The following HLTF variants were observed in gnomAD, a reference collection of about 807,000 sequenced individuals.
The protein encoded by HLTF is helicase like transcription factor, also known as DNA-dependent ATPase/E3 ubiquitin-protein ligase HLTF.
A neutral mutation model predicts 129.4 loss-of-function variants in HLTF; 127 were observed. The observed-to-expected ratio is 0.98, with a 90% confidence interval of 0.85 to 1.14. The LOEUF is 1.14. Among genes scored for constraint, HLTF ranks in the 50% most tolerant of loss-of-function variants. The pLI, the probability that HLTF is intolerant of heterozygous loss-of-function variation, is 0.00. For missense variants in HLTF, 1,139 were observed against 1,187.1 expected, an observed-to-expected ratio of 0.96 and a Z score of 0.60; for synonymous variants, 332 against 388.8, an observed-to-expected ratio of 0.85 and a Z score of 1.72.
chr3:149,075,370 A>C (rs1447343173), intron 3 of HLTF, among the ~76,000 whole-genome samples: 2 of 152,186 alleles, frequency 1.3e-5, no homozygotes, highest in Non-Finnish European at 2.9e-5. Flanking sequence ...CAACATGGCA[A>C]ATCTCTGTCT....
chr3:149,042,247 G>A lies in HLTF; in HGVS notation c.2116C>T (p.Leu706=). 6.2e-7 allele frequency: 1 copy of A among 1,612,800 alleles called. No individual in the cohort carries two copies. Among genetic ancestry groups the A allele is most frequent in the Non-Finnish European group, 8.5e-7 (1 of 1,178,940 alleles). ...GTVLAHYADV[L]GLLLRLRQIC... ...TGCCGCAGTCTAAGCAAAAGACCCA[G>A]GACATCTGCATAATGTGCCAGGACA... is the stretch of plus-strand genomic sequence containing the variant. Residue 706 remains leucine (L), a synonymous_variant, in exon 19 of 25, where the codon CTG becomes TTG. Transcript: ENST00000310053.
Position 149,071,298 on chromosome 3 carries a change from C to A in HLTF, c.848G>T (p.Arg283Leu), listed in dbSNP as rs183401411. 11 of 1,605,570 alleles carry A rather than the reference C, an allele frequency of 6.9e-6. No individual in the cohort carries two copies. In the East Asian group the frequency reaches 2.5e-4, roughly 36 times the overall value. The change falls in exon 7 of 25, where the codon CGA becomes CTA. Residue 283 changes from arginine (R) to leucine (L), a missense_variant. Physicochemically the swap from Arg to Leu is moderately radical, Grantham distance 102. Transcript: ENST00000310053. ...NTITNFSEKD[R>L]PENVHGGILA... Reference sequence around the variant, plus strand: ...AATTCCTCCATGGACATTTTCTGGTCGGTCCTTCTCAGAAAAATTTGTTAT... The same window carrying A: ...AATTCCTCCATGGACATTTTCTGGTAGGTCCTTCTCAGAAAAATTTGTTAT...
At chr3:149,036,880 G>A (rs1339239642) in intron 23 of HLTF, among the ~76,000 whole-genome samples, 1 of 152,276 alleles carries the variant, frequency 6.6e-6, no homozygotes, top group East Asian at 1.9e-4. Context: ...TATGTTCAAT[G>A]AAGAACACTC....
intron 18 of HLTF, 71 bp from the exon 19 acceptor site, chr3:149,042,361 G>T: frequency 2.0e-5 from 25 of 1,261,178 alleles, no homozygotes; most frequent in Middle Eastern, 2.1e-4. Context: ...AAACAGCAGA[G>T]TAAAATGGCA....
At chr3:149,048,235 A>G (rs1716715007) in intron 16 of HLTF, 72 bp from the exon 17 acceptor site, 5 of 1,242,708 alleles carry the variant, frequency 4.0e-6, no homozygotes, top group Non-Finnish European at 5.6e-6. Flanking sequence ...TGGCCCAATC[A>G]GAGAAGACAA....
intron 18 of HLTF, among the ~76,000 whole-genome samples, chr3:149,044,384 T>C (rs543455579): frequency 1.3e-5 from 2 of 152,316 alleles, no homozygotes; most frequent in South Asian, 4.1e-4. Context: ...GGCATGGTCA[T>C]ATCTTACTGA....
At position 149,059,785 on chromosome 3, in the gene HLTF, TTC is replaced by T; in HGVS notation, c.1306_1307del (p.Glu436ArgfsTer34). ...RAKAGSSKVI[E>X]DVAFACALTS... ...TTAATGCACATGCAAATGCCACATC[TTC>T]TATAACCTTAGAAGATCCTGCTGAT... On this transcript the variant is annotated frameshift_variant, in exon 13 of 25. Transcript: ENST00000310053. LOFTEE classifies it high-confidence loss of function. 1.3e-6 allele frequency: 2 copies of T among 1,595,642 alleles called. No homozygotes were observed. Among genetic ancestry groups the T allele is most frequent in the Non-Finnish European group, 1.7e-6 (2 of 1,173,338 alleles).
chr3:149,034,057 A>G (rs1715360963), intron 24 of HLTF, among the ~76,000 whole-genome samples: 1 of 152,192 alleles, frequency 6.6e-6, no homozygotes, highest in Non-Finnish European at 1.5e-5. Flanking sequence ...GAAGATATAA[A>G]TAATTCACAG....
Position 149,084,880 on chromosome 3 carries a change from A to T in HLTF, c.30T>A (p.Val10=), listed in dbSNP as rs762559351. MSWMFKRDP[V]WKYLQTVQYG... ...ACTGGACAGTCTGCAAGTACTTCCA[A>T]ACTGGATCCCTATTTTTTTTTAAAG... The change falls in exon 2 of 25, where the codon GTT becomes GTA. Residue 10 remains valine, a synonymous_variant. Transcript: ENST00000310053. 1.9e-6 allele frequency: 3 copies of T among 1,611,868 alleles called. No homozygotes were observed. The highest frequency in any genetic ancestry group is 1.1e-5 in the South Asian group (1 of 90,500).
chr3:149,042,269 G>T lies in HLTF; in HGVS notation c.2094C>A (p.Val698=). The change falls in exon 19 of 25, where the codon GTC becomes GTA. Residue 698 remains valine, a synonymous_variant. Coordinates refer to ENST00000310053, the MANE Select transcript of HLTF (RefSeq NM_003071.4). ...CCAGGACATCTGCATAATGTGCCAG[G>T]ACAGTCCCTTCATTAAAATACCTAG... The part of the protein sequence containing the change: ...TIGRYFNEGT[V]LAHYADVLGL... The T allele has an allele frequency of 1.9e-6, 3 of 1,611,606 alleles. No individual in the cohort carries two copies. The highest frequency in any genetic ancestry group is 2.5e-6 in the Non-Finnish European group (3 of 1,178,408).
At chr3:149,079,872 T>A (rs1277665169) in intron 2 of HLTF, among the ~76,000 whole-genome samples, 2 of 152,150 alleles carry the variant, frequency 1.3e-5, no homozygotes, top group Non-Finnish European at 2.9e-5. Flanking sequence ...ATTACAGGCG[T>A]GAGCCACCAT....
intron 7 of HLTF, among the ~76,000 whole-genome samples, chr3:149,068,939 T>A (rs141100561): frequency 6.6e-6 from 1 of 152,302 alleles, no homozygotes; most frequent in East Asian, 1.9e-4. Context: ...CACAGGCCAC[T>A]GGGGATGGGG....
At position 149,084,826 on chromosome 3, in the gene HLTF, G is replaced by A. The variant is rs75483592; in HGVS notation, c.84C>T (p.Leu28=). ...AACGTGGAAAGAAAGTTGGATATGAGAGGCGTGGAAAATTTCCATGAACTC... is the reference window on the plus strand; with the variant it reads ...AACGTGGAAAGAAAGTTGGATATGAAAGGCGTGGAAAATTTCCATGAACTC... ...QYGVHGNFPR[L]SYPTFFPRFE... Residue 28 remains leucine, a synonymous_variant, in exon 2 of 25, where the codon CTC becomes CTT. Coordinates refer to ENST00000310053, the MANE Select transcript of HLTF (RefSeq NM_003071.4). The A allele has an allele frequency of 3.4e-3, 5,543 of 1,614,088 alleles. 169 individuals are homozygous for A. The African/African-American group carries it at 0.063, about 18-fold the overall frequency.
chr3:149,053,173 T>G (rs1717142687), intron 14 of HLTF, among the ~76,000 whole-genome samples: 1 of 152,192 alleles, frequency 6.6e-6, no homozygotes, highest in African/African-American at 2.4e-5. Context: ...TTGTTCAGAT[T>G]GTGAAATTTT....
chr3:149,063,546 A>C, intron 9 of HLTF, 22 bp from the exon 10 acceptor site: 1 of 1,386,792 alleles, frequency 7.2e-7, no homozygotes, highest in Non-Finnish European at 1.0e-6. Flanking sequence ...AAAAATGCAA[A>C]TATAAAGTAT....
At position 149,032,187 on chromosome 3, in the gene HLTF, CCAAT is replaced by C; in HGVS notation, c.*29_*32del. ...TTTCTCATTTCTAAAACTTAAGTAT[CCAAT>C]CAAACTGACCTTACTAAAATCCCAC... On this transcript the variant is annotated 3_prime_UTR_variant, in exon 25 of 25. Transcript: ENST00000310053. 2.1e-6 allele frequency: 3 copies of C among 1,458,754 alleles called. No individual in the cohort carries two copies. Among genetic ancestry groups the C allele is most frequent in the Non-Finnish European group, 2.8e-6 (3 of 1,086,732 alleles). The allele number at this position is 1,458,754 out of a possible 1,614,324, so 90.4% of individuals were successfully genotyped here.
intron 1 of HLTF, 130 bp downstream of exon 1, chr3:149,086,187 G>A: frequency 1.0e-6 from 1 of 997,294 alleles, no homozygotes; most frequent in Non-Finnish European, 1.6e-6. Context: ...GGCCACATAT[G>A]CGACCAACAG....
intron 2 of HLTF, among the ~76,000 whole-genome samples, chr3:149,078,167 A>G (rs1559883283): frequency 6.6e-6 from 1 of 152,326 alleles, no homozygotes; most frequent in East Asian, 1.9e-4. Flanking sequence ...ATACACAGGG[A>G]AAAAAAGCAA....
Position 149,064,796 on chromosome 3 carries a change from C to A in HLTF, c.1061G>T (p.Ser354Ile), listed in dbSNP as rs755238421. 6.4e-7 allele frequency: 1 copy of A among 1,563,426 alleles called. No individual in the cohort carries two copies. The highest frequency in any genetic ancestry group is 8.8e-7 in the Non-Finnish European group (1 of 1,134,512). Residue 354 changes from serine to isoleucine, a missense_variant, in exon 9 of 25, where the codon AGC becomes ATC. By Grantham distance (142) the Ser-to-Ile change is moderately radical. Transcript: ENST00000310053. Reference protein sequence around the residue: ...NNTSEKADGLSKDASRCSEQP... With the variant: ...NNTSEKADGLIKDASRCSEQP... The stretch of plus-strand genomic sequence containing the variant: ...ATTTCAAAATTAGCATTTACCTTTG[C>A]TTAGTCCATCTGCCTTTTCACTGGT...
Sources: gnomAD v4.1 joint callset for allele counts (sites outside exome capture counted in the v4.1 genomes callset) on GRCh38, gnomAD v4.1.1 for gene constraint, MANE v1.5 for transcripts, NCBI Gene and HGNC (gene_info 2026-07-23, HGNC 2026-07-21) for gene names.